TTLL5: variants seen among roughly 807,000 people sequenced by gnomAD.
TTLL5 encodes tubulin tyrosine ligase like 5, also known as tubulin polyglutamylase TTLL5.
TTLL5 carries 132 observed loss-of-function variants against 168.4 expected under a neutral mutation model. The ratio of observed to expected loss-of-function variants is 0.78; its 90% confidence interval spans 0.68 to 0.91. The LOEUF (loss-of-function observed/expected upper bound fraction) is 0.91. TTLL5 is among the 40% of genes least tolerant of loss of function. TTLL5 has a pLI of 0.00. For synonymous variants in TTLL5, 546 were observed against 558.6 expected (o/e 0.98, Z 0.32); for missense variants, 1,545 against 1,581.5 (o/e 0.98, Z 0.39).
chr14:75,850,928 C>T (rs1308166117), intron 28 of TTLL5, among the ~76,000 whole-genome samples: 2 of 151,674 alleles, frequency 1.3e-5, no homozygotes, highest in Admixed American at 1.3e-4. Context: ...GACCTCATCT[C>T]TACAAGAAAT....
chr14:75,825,309 C>T (rs1206279506), intron 28 of TTLL5, among the ~76,000 whole-genome samples: 1 of 152,176 alleles, frequency 6.6e-6, no homozygotes, highest in Non-Finnish European at 1.5e-5. Context: ...GGCCATCACC[C>T]TGTGCAGTAC....
At chr14:75,860,939 A>G (rs904928041) in intron 28 of TTLL5, among the ~76,000 whole-genome samples, 8 of 152,200 alleles carry the variant, frequency 5.3e-5, no homozygotes, top group Non-Finnish European at 1.2e-4. Flanking sequence ...TAATGTTAAC[A>G]TTTCACTAAT....
In TTLL5 at chr14:75,882,717, C is replaced by T. The variant is rs560079418; in HGVS notation, c.3555C>T (p.Ser1185=). 2 of 1,613,628 alleles carry T rather than the reference C, an allele frequency of 1.2e-6. No individual in the cohort carries two copies. Among genetic ancestry groups the T allele is most frequent in the East Asian group, 4.5e-5 (2 of 44,840 alleles). ...TTGGCAGCCAGACACTACCTAACTC[C>T]AATTTATGGACAATGAATAATGGTG... ...AIFGSQTLPN[S]NLWTMNNGAG... Residue 1185 remains serine (S), a synonymous_variant, in exon 30 of 32, where the codon TCC becomes TCT. Coordinates refer to ENST00000298832, the MANE Select transcript of TTLL5 (RefSeq NM_015072.5).
intron 31 of TTLL5, among the ~76,000 whole-genome samples, chr14:75,921,265 A>G (rs1470227447): frequency 1.3e-5 from 2 of 152,076 alleles, no homozygotes; most frequent in Non-Finnish European, 2.9e-5. Context: ...TTTTGTTGCC[A>G]TTGCTTTTGG....
At chr14:75,674,591 C>T (rs1325767086) in intron 3 of TTLL5, among the ~76,000 whole-genome samples, 1 of 151,970 alleles carries the variant, frequency 6.6e-6, no homozygotes, top group African/African-American at 2.4e-5. Flanking sequence ...TCATTATAAC[C>T]TTGTTTTTTT....
chr14:75,790,663 C>T (rs545816443), intron 26 of TTLL5, among the ~76,000 whole-genome samples: 90 of 151,808 alleles, frequency 5.9e-4, no homozygotes, highest in African/African-American at 2.1e-3. Context: ...AGAGATCTCA[C>T]TTTGTTGCCT....
At chr14:75,664,055 G>T (rs1371139293) in intron 2 of TTLL5, among the ~76,000 whole-genome samples, 1 of 150,280 alleles carries the variant, frequency 6.7e-6, no homozygotes, top group Non-Finnish European at 1.5e-5. Flanking sequence ...TTGCACTCCA[G>T]CCCGGGCAAC....
chr14:75,703,524 G>A (rs1886430213), intron 7 of TTLL5, among the ~76,000 whole-genome samples: 1 of 152,168 alleles, frequency 6.6e-6, no homozygotes, highest in African/African-American at 2.4e-5. Context: ...CAGTAACCAT[G>A]ACTAAATGCC....
chr14:75,926,094 G>A (rs983201088), intron 31 of TTLL5, among the ~76,000 whole-genome samples: 3 of 148,164 alleles, frequency 2.0e-5, no homozygotes, highest in Non-Finnish European at 4.4e-5. Context: ...TGGGGAGAGG[G>A]AGAGGGAGAG....
intron 28 of TTLL5, among the ~76,000 whole-genome samples, chr14:75,852,566 TC>T (rs1896917193): frequency 6.6e-6 from 1 of 151,984 alleles, no homozygotes; most frequent in South Asian, 2.1e-4. Context: ...CTTTAACTCT[TC>T]CCATAGAAGA....
At chr14:75,680,690 T>G (rs1376929375) in intron 3 of TTLL5, among the ~76,000 whole-genome samples, 1 of 148,134 alleles carries the variant, frequency 6.8e-6, no homozygotes, top group African/African-American at 2.5e-5. Flanking sequence ...TGGCATGATC[T>G]CGGCGCTCAC....
At chr14:75,857,184 A>C (rs149278449) in intron 28 of TTLL5, among the ~76,000 whole-genome samples, 90 of 152,294 alleles carry the variant, frequency 5.9e-4, no homozygotes, top group African/African-American at 2.1e-3. Context: ...GTTTACTAAG[A>C]GTGTCTGTCA....
intron 12 of TTLL5, 161 bp from the exon 13 acceptor site, chr14:75,732,177 A>G: frequency 1.7e-6 from 1 of 574,010 alleles, no homozygotes; most frequent in South Asian, 2.4e-5. Flanking sequence ...TTTCTCTTGA[A>G]CTTGAAAGAT....
At chr14:75,750,653 CAA>C (rs1889894058) in intron 17 of TTLL5, among the ~76,000 whole-genome samples, 1 of 151,744 alleles carries the variant, frequency 6.6e-6, no homozygotes, top group Non-Finnish European at 1.5e-5. Context: ...TTTGGGGAAG[CAA>C]AAGTTATATG....
At chr14:75,677,417 A>G (rs953148697) in intron 3 of TTLL5, among the ~76,000 whole-genome samples, 4 of 110,198 alleles carry the variant, frequency 3.6e-5, no homozygotes, top group Non-Finnish European at 5.2e-5. Flanking sequence ...TTTTTTTGAG[A>G]CAGGGTCTCA....
intron 31 of TTLL5, among the ~76,000 whole-genome samples, chr14:75,926,691 A>C (rs1381570445): frequency 6.6e-6 from 1 of 152,202 alleles, no homozygotes; most frequent in African/African-American, 2.4e-5. Flanking sequence ...GAGAAATTGG[A>C]ATCCTTATAC....
intron 28 of TTLL5, among the ~76,000 whole-genome samples, chr14:75,832,740 T>C (rs558608731): frequency 3.3e-5 from 5 of 152,312 alleles, no homozygotes; most frequent in Admixed American, 6.5e-5. Context: ...TCTCCCAGAA[T>C]TGAGGTAAAT....
At chr14:75,669,256 A>C (rs1883531374) in intron 2 of TTLL5, among the ~76,000 whole-genome samples, 160 bp from the exon 3 acceptor site, 1 of 152,242 alleles carries the variant, frequency 6.6e-6, no homozygotes. Context: ...AATTTTAAAC[A>C]CACAGCTAAG....
At chr14:75,791,023 G>A (rs1892676215) in intron 26 of TTLL5, among the ~76,000 whole-genome samples, 1 of 145,544 alleles carries the variant, frequency 6.9e-6, no homozygotes, top group Non-Finnish European at 1.5e-5. Context: ...GGAGATTGGC[G>A]TGAACCTGGG....
Sources: gnomAD v4.1 joint callset for allele counts (sites outside exome capture counted in the v4.1 genomes callset) on GRCh38, gnomAD v4.1.1 for gene constraint, MANE v1.5 for transcripts, NCBI Gene and HGNC (gene_info 2026-07-23, HGNC 2026-07-21) for gene names.